Variants in KITLG observed in about 807,000 individuals in gnomAD.
KITLG encodes KIT ligand, also known as c-Kit ligand.
Under a neutral mutation model 34.1 loss-of-function variants are expected in KITLG, and 13 were observed. That is an observed-to-expected ratio of 0.38 (90% CI 0.25 to 0.61). The LOEUF is 0.61. Ranked by LOEUF, KITLG falls within the 20% of genes least tolerant of loss-of-function variation. The pLI, the probability that KITLG is intolerant of heterozygous loss-of-function variation, is 0.60. For missense variants in KITLG, 292 were observed against 318.9 expected (o/e 0.92, Z 0.64); for synonymous variants, 110 against 104.0 (o/e 1.06, Z -0.35).
chr12:88,507,489 T>A (rs952637071), intron 6 of KITLG, among the ~76,000 whole-genome samples: 4 of 152,226 alleles, frequency 2.6e-5, no homozygotes, highest in Non-Finnish European at 4.4e-5. Flanking sequence ...AAAATCTTTT[T>A]GCTTTCTCAC....
At chr12:88,502,565 G>T (rs1254462840) in intron 9 of KITLG, among the ~76,000 whole-genome samples, 1 of 152,178 alleles carries the variant, frequency 6.6e-6, no homozygotes. Context: ...GAAACAGAAA[G>T]ACCTAACTCT....
At chr12:88,576,800 T>C (rs1402203658) in intron 1 of KITLG, among the ~76,000 whole-genome samples, 2 of 152,176 alleles carry the variant, frequency 1.3e-5, no homozygotes, top group African/African-American at 2.4e-5. Context: ...TGCCAATCCA[T>C]GTAAAAAACC....
chr12:88,522,400 T>C (rs1055415881), intron 3 of KITLG, among the ~76,000 whole-genome samples: 1 of 151,728 alleles, frequency 6.6e-6, no homozygotes, highest in Non-Finnish European at 1.5e-5. Flanking sequence ...TGACACATTA[T>C]TCCACATTGG....
chr12:88,577,207 A>G (rs1300150839), intron 1 of KITLG, among the ~76,000 whole-genome samples: 1 of 152,202 alleles, frequency 6.6e-6, no homozygotes, highest in Non-Finnish European at 1.5e-5. Context: ...CATCACCCAC[A>G]TGACAAACTT....
At chr12:88,563,004 C>G (rs1262094417) in intron 1 of KITLG, among the ~76,000 whole-genome samples, 1 of 152,194 alleles carries the variant, frequency 6.6e-6, no homozygotes, top group Non-Finnish European at 1.5e-5. Context: ...TAGACACTGT[C>G]CTGCAGTAAG....
chr12:88,575,981 C>A (rs1871811482), intron 1 of KITLG, among the ~76,000 whole-genome samples: 1 of 152,086 alleles, frequency 6.6e-6, no homozygotes. Context: ...GAAATGAATG[C>A]ATGGCCTCAC....
chr12:88,509,634 A>T (rs1869198484), intron 6 of KITLG, among the ~76,000 whole-genome samples: 1 of 152,152 alleles, frequency 6.6e-6, no homozygotes, highest in Non-Finnish European at 1.5e-5. Context: ...GCGGGGCGGC[A>T]GTGGAGAGGA....
intron 1 of KITLG, among the ~76,000 whole-genome samples, chr12:88,571,177 A>G (rs1361557710): frequency 3.3e-5 from 5 of 152,202 alleles, no homozygotes. Flanking sequence ...CTTACAGCAT[A>G]CAGATTTGTA....
intron 2 of KITLG, among the ~76,000 whole-genome samples, chr12:88,537,118 C>G (rs900977478): frequency 1.3e-5 from 2 of 152,116 alleles, no homozygotes; most frequent in Non-Finnish European, 2.9e-5. Flanking sequence ...ACCCAGCAAT[C>G]CCATTGCTGG....
intron 3 of KITLG, among the ~76,000 whole-genome samples, chr12:88,524,103 A>T (rs947186379): frequency 3.9e-5 from 6 of 152,180 alleles, no homozygotes; most frequent in Admixed American, 2.0e-4. Context: ...ATTTCAGGCA[A>T]GTCATTTAAT....
intron 2 of KITLG, among the ~76,000 whole-genome samples, chr12:88,540,806 C>T (rs1351196615): frequency 6.6e-6 from 1 of 151,844 alleles, no homozygotes; most frequent in Non-Finnish European, 1.5e-5. Context: ...TTTTAAAATA[C>T]AAAATGTCCT....
chr12:88,552,338 C>T (rs1207354501), intron 1 of KITLG, among the ~76,000 whole-genome samples: 1 of 150,602 alleles, frequency 6.6e-6, no homozygotes, highest in Non-Finnish European at 1.5e-5. Context: ...CCATGGCTGG[C>T]CTTTTTCTTT....
chr12:88,557,970 C>T (rs147995666), intron 1 of KITLG, among the ~76,000 whole-genome samples: 258 of 152,174 alleles, frequency 1.7e-3, no homozygotes, highest in African/African-American at 6.0e-3. Context: ...CTTTCAAATA[C>T]GTGACTTGCT....
At chr12:88,534,154 A>G (rs1051202946) in intron 2 of KITLG, among the ~76,000 whole-genome samples, 21 of 152,122 alleles carry the variant, frequency 1.4e-4, no homozygotes, top group Non-Finnish European at 1.2e-4. Flanking sequence ...TGAGGCTAGA[A>G]GGGGTCAAGT....
chr12:88,567,734 G>A (rs1217956999), intron 1 of KITLG, among the ~76,000 whole-genome samples: 1 of 152,146 alleles, frequency 6.6e-6, no homozygotes, highest in Non-Finnish European at 1.5e-5. Context: ...CATTTACCGA[G>A]GTTTTCTGGT....
intron 1 of KITLG, among the ~76,000 whole-genome samples, chr12:88,548,106 T>TGCTTTGCCCAGCACCAAG (rs536813112): frequency 2.2e-4 from 33 of 152,274 alleles, no homozygotes; most frequent in Admixed American, 1.9e-3. Flanking sequence ...CCATGTGTAC[T>TGCTTTGCCCAGCACCAAG]GCTTTGCCCA....
chr12:88,578,990 G>C (rs964058793), intron 1 of KITLG, among the ~76,000 whole-genome samples: 5 of 152,164 alleles, frequency 3.3e-5, no homozygotes, highest in Non-Finnish European at 7.3e-5. Context: ...TGTAAGAGAG[G>C]GGAGAGGCAC....
intron 2 of KITLG, among the ~76,000 whole-genome samples, chr12:88,534,944 G>T (rs1870253999): frequency 6.6e-6 from 1 of 152,084 alleles, no homozygotes; most frequent in Non-Finnish European, 1.5e-5. Flanking sequence ...ATCTCATTTT[G>T]AATAAACCAG....
chr12:88,499,829 G>A (rs756589433), intron 9 of KITLG, among the ~76,000 whole-genome samples: 2 of 152,080 alleles, frequency 1.3e-5, no homozygotes, highest in Non-Finnish European at 2.9e-5. Context: ...TCCTGGCCCT[G>A]ATGCTAATTC....
Sources: allele counts gnomAD v4.1 joint callset (sites outside exome capture counted in the v4.1 genomes callset), GRCh38; gene constraint gnomAD v4.1.1; transcripts MANE v1.5; gene names NCBI Gene and HGNC (gene_info 2026-07-23, HGNC 2026-07-21).